CNTN1: variants seen among roughly 807,000 people sequenced by gnomAD.
The protein encoded by CNTN1 is contactin 1, also known as contactin-1.
Under a neutral mutation model 126.4 loss-of-function variants are expected in CNTN1, and 38 were observed. That is an observed-to-expected ratio of 0.30 (90% CI 0.23 to 0.39). The LOEUF (loss-of-function observed/expected upper bound fraction) is 0.39, where lower values mean the gene tolerates loss of function less well. CNTN1 is among the 10% of genes least tolerant of loss of function. CNTN1 has a pLI of 1.00. For missense variants in CNTN1, 1,009 were observed against 1,248.4 expected (o/e 0.81, Z 2.89); for synonymous variants, 413 against 422.6 (o/e 0.98, Z 0.28).
chr12:40,786,084 G>T (rs1357351971), intron 1 of CNTN1, among the ~76,000 whole-genome samples: 1 of 152,208 alleles, frequency 6.6e-6, no homozygotes, highest in Non-Finnish European at 1.5e-5. Flanking sequence ...CAGACGTCCA[G>T]TATGGACATT....
chr12:40,813,504 TCCCTG>T lies in CNTN1; in HGVS notation c.-76-94851_-76-94847del, dbSNP rs1415561537. On this transcript the variant is annotated intron_variant, in intron 1 of 23. Coordinates refer to ENST00000551295, the MANE Select transcript of CNTN1 (RefSeq NM_001843.4). ...TCGATGCCTTCCAACCTCATCCGTC[TCCCTG>T]CAAAGGACACGATCTCATTCCTTTT... Among the ~76,000 whole-genome samples, 4 of 152,232 alleles carry T rather than the reference TCCCTG, an allele frequency of 2.6e-5. No individual in the cohort carries two copies. In the East Asian group the frequency reaches 7.7e-4, roughly 29 times the overall value.
At chr12:41,003,757 T>A (rs1378477774) in intron 17 of CNTN1, among the ~76,000 whole-genome samples, 1 of 152,162 alleles carries the variant, frequency 6.6e-6, no homozygotes, top group Non-Finnish European at 1.5e-5. Flanking sequence ...CATAATATCC[T>A]CTGGTGGTTT....
At chr12:41,028,981 C>G in intron 22 of CNTN1, 82 bp from the exon 23 acceptor site, 3 of 1,305,266 alleles carry the variant, frequency 2.3e-6, no homozygotes, top group Admixed American at 1.7e-5. Context: ...AAAGTATAAG[C>G]ATTTTTATTC....
intron 7 of CNTN1, 43 bp from the exon 8 acceptor site, chr12:40,933,418 G>T (rs2136919138): frequency 8.1e-7 from 1 of 1,240,008 alleles, no homozygotes; most frequent in Non-Finnish European, 1.2e-6. Context: ...AACTAATATT[G>T]TGCCTAATAA....
chr12:40,753,289 A>G (rs371271688), intron 1 of CNTN1, among the ~76,000 whole-genome samples: 87 of 152,136 alleles, frequency 5.7e-4, no homozygotes, highest in African/African-American at 2.0e-3. Context: ...AAAAAGAGGA[A>G]AATGCTGAAG....
intron 1 of CNTN1, among the ~76,000 whole-genome samples, chr12:40,770,351 G>T (rs1181143974): frequency 6.6e-6 from 1 of 152,054 alleles, no homozygotes; most frequent in East Asian, 1.9e-4. Flanking sequence ...AAATCTCTTT[G>T]AGTCTTTTCT....
At chr12:40,796,124 A>G (rs1940416359) in intron 1 of CNTN1, among the ~76,000 whole-genome samples, 1 of 152,088 alleles carries the variant, frequency 6.6e-6, no homozygotes. Context: ...ATATTCATAA[A>G]GAAAAACATA....
At position 40,955,750 on chromosome 12, in the gene CNTN1, C is replaced by T. The variant is rs544463915; in HGVS notation, c.1684-3364C>T. ...GAAGAAATCAACAGTGACACGATTA[C>T]GGTAGAAAGGAATAGTTACAATGAA... On this transcript the variant is annotated intron_variant, in intron 14 of 23. Coordinates refer to ENST00000551295, the MANE Select transcript of CNTN1 (RefSeq NM_001843.4). Among the ~76,000 whole-genome samples, 24 of 152,060 alleles carry T rather than the reference C, an allele frequency of 1.6e-4. No homozygotes were observed. In the East Asian group the frequency reaches 3.7e-3, roughly 23 times the overall value.
At chr12:40,739,432 A>C (rs559746860) in intron 1 of CNTN1, among the ~76,000 whole-genome samples, 2 of 152,212 alleles carry the variant, frequency 1.3e-5, no homozygotes, top group Non-Finnish European at 2.9e-5. Flanking sequence ...TGATTAAAAA[A>C]CAATTTCAGG....
chr12:40,832,825 A>G (rs1238976562), intron 1 of CNTN1, among the ~76,000 whole-genome samples: 1 of 151,868 alleles, frequency 6.6e-6, no homozygotes, highest in Non-Finnish European at 1.5e-5. Flanking sequence ...GGGCTCTCAC[A>G]CTCTGGGCCA....
At position 40,736,056 on chromosome 12, in the gene CNTN1, C is replaced by T. The variant is rs138109706; in HGVS notation, c.-77+43464C>T. Among the ~76,000 whole-genome samples the T allele has an allele frequency of 3.3e-3, 503 of 152,084 alleles. 3 individuals carry two copies. Among genetic ancestry groups the T allele is most frequent in the African/African-American group, 0.011 (475 of 41,506 alleles). On this transcript the variant is annotated intron_variant, in intron 1 of 23. Coordinates refer to ENST00000551295, the MANE Select transcript of CNTN1 (RefSeq NM_001843.4). ...GAAAGATGGGGCAAGACATGCTGGCCTCATACAAACATCCAATCCCCAGGG... is the reference window on the plus strand; with the variant it reads ...GAAAGATGGGGCAAGACATGCTGGCTTCATACAAACATCCAATCCCCAGGG...
At chr12:40,963,978 T>C (rs1947203817) in intron 15 of CNTN1, among the ~76,000 whole-genome samples, 1 of 152,132 alleles carries the variant, frequency 6.6e-6, no homozygotes. Context: ...AGTGCACCTT[T>C]GGACAACATT....
intron 1 of CNTN1, among the ~76,000 whole-genome samples, chr12:40,844,476 C>T (rs563061096): frequency 1.3e-5 from 2 of 152,146 alleles, no homozygotes; most frequent in African/African-American, 4.8e-5. Flanking sequence ...AATATGAATG[C>T]CTTTAAGCAA....
In CNTN1 at chr12:40,937,503, C is replaced by T. The variant is rs183477803; in HGVS notation, c.1111-67C>T. ...TATCTAAATGAAAAGACAACCAAAC[C>T]CAGACCTAAGTGAAAGTATTTCTAT... On this transcript the variant is annotated intron_variant, in intron 10 of 23. Coordinates refer to ENST00000551295, the MANE Select transcript of CNTN1 (RefSeq NM_001843.4). The T allele has an allele frequency of 9.4e-6, 10 of 1,066,134 alleles. No homozygotes were observed. The Admixed American group carries it at 1.0e-4, about 11-fold the overall frequency. 66.0% of individuals were successfully genotyped at this position (1,066,134 alleles called of 1,614,324 possible).
rs554466895 is a variant in CNTN1 at position 40,907,056 on chromosome 12, A to T, written c.-76-1301A>T. ...TTATGCTATTATATATTCTTTTAAA[A>T]CAATGATTTAATGTCTTTTCAAGAT... On this transcript the variant is annotated intron_variant, in intron 1 of 23. Coordinates refer to ENST00000551295, the MANE Select transcript of CNTN1 (RefSeq NM_001843.4). Among the ~76,000 whole-genome samples, 29 of 152,268 alleles carry T rather than the reference A, an allele frequency of 1.9e-4. No homozygotes were observed. In the South Asian group the frequency reaches 6.0e-3, roughly 32 times the overall value.
intron 1 of CNTN1, among the ~76,000 whole-genome samples, chr12:40,738,612 T>C (rs746758420): frequency 6.6e-5 from 10 of 151,880 alleles, no homozygotes; most frequent in Non-Finnish European, 1.5e-4. Context: ...AAACAAGATA[T>C]AAAAATTTTA....
At chr12:40,716,065 C>T (rs1263514134) in intron 1 of CNTN1, among the ~76,000 whole-genome samples, 1 of 152,034 alleles carries the variant, frequency 6.6e-6, no homozygotes, top group Non-Finnish European at 1.5e-5. Context: ...AAAATACTAT[C>T]TCTAAGCCTC....
At position 40,822,997 on chromosome 12, in the gene CNTN1, CA is replaced by C. The variant is rs773975533; in HGVS notation, c.-76-85359del. 1.7e-4 allele frequency among the ~76,000 whole-genome samples: 26 copies of C among 152,150 alleles called. 1 individual carries two copies. The South Asian group carries it at 4.8e-3, about 28-fold the overall frequency. ...CTCCCACTTATAATTGAGAATATAG[CA>C]TATTCTTTATAAAGTAGTCTTGGTA... On this transcript the variant is annotated intron_variant, in intron 1 of 23. Transcript: ENST00000551295.
At chr12:40,890,813 G>A (rs991548124) in intron 1 of CNTN1, among the ~76,000 whole-genome samples, 1 of 152,144 alleles carries the variant, frequency 6.6e-6, no homozygotes, top group Non-Finnish European at 1.5e-5. Context: ...ACATCCTTGT[G>A]CCAGTTTTTG....
Sources: gnomAD v4.1 joint callset for allele counts (sites outside exome capture counted in the v4.1 genomes callset) on GRCh38, gnomAD v4.1.1 for gene constraint, MANE v1.5 for transcripts, NCBI Gene and HGNC (gene_info 2026-07-23, HGNC 2026-07-21) for gene names.